MARCHF10: variants seen among roughly 807,000 people sequenced by gnomAD.
MARCHF10 encodes the protein membrane associated ring-CH-type finger 10.
Under a neutral mutation model 76.2 loss-of-function variants are expected in MARCHF10, and 64 were observed. The observed-to-expected ratio is 0.84, with a 90% CI of 0.69 to 1.03. MARCHF10 has a LOEUF of 1.03. MARCHF10 is among the 50% of genes least tolerant of loss of function. MARCHF10 has a pLI of 0.00. For missense variants in MARCHF10, 875 were observed against 958.0 expected, an observed-to-expected ratio of 0.91 and a Z score of 1.14; for synonymous variants, 340 against 357.5, an observed-to-expected ratio of 0.95 and a Z score of 0.55.
intron 5 of MARCHF10, among the ~76,000 whole-genome samples, chr17:62,742,466 T>G (rs749318505): frequency 9.9e-5 from 15 of 152,204 alleles, no homozygotes; most frequent in Non-Finnish European, 1.6e-4. Context: ...GCAAACCACT[T>G]TAGAATGTGA....
Position 62,738,060 on chromosome 17 carries a change from T to TCACACACACACACACACACACACACA in MARCHF10, c.536-754_536-729dup, listed in dbSNP as rs55902229. The stretch of plus-strand genomic sequence containing the variant: ...AACTGTCTCTCTCTGTCTCTCTCTG[T>TCACACACACACACACACACACACACA]CACACACACACACACACACACACAC... On this transcript the variant is annotated intron_variant, in intron 5 of 10. Transcript: ENST00000311269. This position sits in a 1 kb window ranked among gnomAD's most constrained non-coding sequence, Gnocchi z 4.0. 1.6e-4 allele frequency: 20 copies of TCACACACACACACACACACACACACA among 127,398 alleles called. No homozygotes were observed. Among genetic ancestry groups the TCACACACACACACACACACACACACA allele is most frequent in the African/African-American group, 5.3e-4 (17 of 31,996 alleles). 7.9% of individuals were successfully genotyped at this position (127,398 alleles called of 1,614,324 possible). A position where few individuals can be genotyped will look rare whatever the true frequency, so the allele number is the denominator to read the frequency against.
At chr17:62,774,924 T>G (rs2092519684) in intron 3 of MARCHF10, among the ~76,000 whole-genome samples, 1 of 151,852 alleles carries the variant, frequency 6.6e-6, no homozygotes, top group Non-Finnish European at 1.5e-5. Flanking sequence ...TGTGGTAGCT[T>G]GTGCCTGTAA....
chr17:62,795,695 C>T (rs1474769063), intron 2 of MARCHF10, among the ~76,000 whole-genome samples: 1 of 152,184 alleles, frequency 6.6e-6, no homozygotes, highest in Non-Finnish European at 1.5e-5. Context: ...GTTTCTAAAG[C>T]CTTCAACTGG....
chr17:62,728,902 A>G (rs888418728), intron 6 of MARCHF10, among the ~76,000 whole-genome samples: 7 of 152,166 alleles, frequency 4.6e-5, no homozygotes, highest in Non-Finnish European at 8.8e-5. Context: ...TCAGAAATTG[A>G]CAAACTCAAT....
chr17:62,709,026 A>G (rs1427611396), intron 9 of MARCHF10, among the ~76,000 whole-genome samples: 2 of 152,204 alleles, frequency 1.3e-5, no homozygotes, highest in Non-Finnish European at 2.9e-5. Flanking sequence ...TCCTGGTTTT[A>G]TAAATATGTG....
intron 7 of MARCHF10, 77 bp from the exon 8 acceptor site, chr17:62,722,674 G>A: frequency 8.2e-7 from 1 of 1,216,622 alleles, no homozygotes; most frequent in Non-Finnish European, 1.2e-6. Flanking sequence ...GGTGATATTT[G>A]GGGAGTGAAC....
chr17:62,735,558 G>A (rs1441085694), intron 6 of MARCHF10: 2 of 201,212 alleles, frequency 9.9e-6, no homozygotes, highest in African/African-American at 2.4e-5. Flanking sequence ...CTTCAAGTGT[G>A]GACTGGTTCA....
chr17:62,806,210 A>C (rs1568239202), intron 1 of MARCHF10, among the ~76,000 whole-genome samples: 1 of 152,216 alleles, frequency 6.6e-6, no homozygotes, highest in Non-Finnish European at 1.5e-5. Context: ...AAAACTGACC[A>C]GGATGAACAA....
chr17:62,772,550 G>A (rs1272343262), intron 3 of MARCHF10, among the ~76,000 whole-genome samples: 1 of 152,168 alleles, frequency 6.6e-6, no homozygotes, highest in Non-Finnish European at 1.5e-5. Context: ...GTGAGACAGT[G>A]AGTAAACAGC....
At position 62,722,523 on chromosome 17, in the gene MARCHF10, T is replaced by C. The variant is rs2090541058; in HGVS notation, c.2179A>G (p.Met727Val). ...TGGTGCTTCTGGTAGAACTCAATCA[T>C]GTTAAAGTCACCCAGGTCAACCAGC... The part of the protein sequence containing the change: ...GLLVDLGDFN[M>V]IEFYQKHQQS... Residue 727 changes from methionine to valine, a missense_variant, in exon 8 of 11, where the codon ATG (methionine) becomes GTG (valine). By Grantham distance (21) the Met-to-Val change is conservative (BLOSUM62 1). Transcript: ENST00000311269. The C allele has an allele frequency of 1.9e-6, 3 of 1,613,792 alleles. No individual in the cohort carries two copies. Among genetic ancestry groups the C allele is most frequent in the East Asian group, 2.2e-5 (1 of 44,876 alleles).
At chr17:62,778,703 A>T (rs1476728979) in intron 3 of MARCHF10, among the ~76,000 whole-genome samples, 1 of 142,868 alleles carries the variant, frequency 7.0e-6, no homozygotes, top group Non-Finnish European at 1.5e-5. Flanking sequence ...AAAAAAAAAA[A>T]TCCAGACAAG....
chr17:62,745,540 T>C (rs925264846), intron 4 of MARCHF10, among the ~76,000 whole-genome samples: 1 of 152,214 alleles, frequency 6.6e-6, no homozygotes, highest in Non-Finnish European at 1.5e-5. Flanking sequence ...TCACAACATA[T>C]TTTGTATAAT....
At chr17:62,770,342 G>A (rs2092419696) in intron 3 of MARCHF10, among the ~76,000 whole-genome samples, 1 of 152,112 alleles carries the variant, frequency 6.6e-6, no homozygotes, top group Non-Finnish European at 1.5e-5. Context: ...ATATACATGT[G>A]TCTTTTTGGT....
intron 9 of MARCHF10, chr17:62,706,491 CTG>C (rs1262770063): frequency 6.6e-6 from 1 of 152,240 alleles, no homozygotes; most frequent in African/African-American, 2.4e-5. Context: ...GTTTTTGTGA[CTG>C]TGGACCAAAC....
intron 4 of MARCHF10, among the ~76,000 whole-genome samples, chr17:62,748,258 A>G (rs2091775071): frequency 6.6e-6 from 1 of 152,102 alleles, no homozygotes; most frequent in Non-Finnish European, 1.5e-5. Flanking sequence ...TTAGTTGGGC[A>G]TGGTGGCACG....
At chr17:62,756,366 A>G (rs949478272) in intron 4 of MARCHF10, among the ~76,000 whole-genome samples, 1 of 152,174 alleles carries the variant, frequency 6.6e-6, no homozygotes, top group Non-Finnish European at 1.5e-5. Context: ...GGATCACTTG[A>G]GCCCAGGAGT....
intron 4 of MARCHF10, among the ~76,000 whole-genome samples, chr17:62,751,220 A>G (rs1341469833): frequency 6.6e-6 from 1 of 152,100 alleles, no homozygotes; most frequent in Non-Finnish European, 1.5e-5. Flanking sequence ...CTCACGCCTG[A>G]CAAATCTCAG....
chr17:62,740,198 G>C (rs2091457915), intron 5 of MARCHF10, among the ~76,000 whole-genome samples: 1 of 152,006 alleles, frequency 6.6e-6, no homozygotes, highest in African/African-American at 2.4e-5. Flanking sequence ...GAGCTCTAGG[G>C]CTGGGAATAG....
At chr17:62,775,898 C>G (rs2092546544) in intron 3 of MARCHF10, among the ~76,000 whole-genome samples, 1 of 152,032 alleles carries the variant, frequency 6.6e-6, no homozygotes, top group African/African-American at 2.4e-5. Flanking sequence ...CTCACTGCAG[C>G]CTTGAACCCC....
Sources: allele counts gnomAD v4.1 joint callset (sites outside exome capture counted in the v4.1 genomes callset), GRCh38; gene constraint gnomAD v4.1.1; non-coding constraint Gnocchi (gnomAD v3.1); transcripts MANE v1.5; gene names NCBI Gene and HGNC (gene_info 2026-07-23, HGNC 2026-07-21).